Variants in INO80D observed in about 807,000 individuals in gnomAD.
INO80D encodes the protein INO80 complex subunit D.
INO80D carries 21 observed loss-of-function variants against 87.6 expected under a neutral mutation model. That is an observed-to-expected ratio of 0.24 (90% CI 0.17 to 0.35). The LOEUF (loss-of-function observed/expected upper bound fraction) is 0.35, where lower values mean the gene tolerates loss of function less well. Among genes scored for constraint, INO80D ranks in the 10% least tolerant of loss-of-function variants. INO80D has a pLI of 1.00. For missense variants in INO80D, 982 were observed against 1,280.7 expected (o/e 0.77, Z 3.56); for synonymous variants, 440 against 491.0 (o/e 0.90, Z 1.37).
intron 1 of INO80D, among the ~76,000 whole-genome samples, chr2:206,069,685 T>C (rs1689909863): frequency 6.6e-6 from 1 of 152,178 alleles, no homozygotes; most frequent in African/African-American, 2.4e-5. Context: ...TAACATTTCT[T>C]TACTCCACAC....
At chr2:206,067,291 C>T (rs1294163465) in intron 1 of INO80D, among the ~76,000 whole-genome samples, 1 of 149,810 alleles carries the variant, frequency 6.7e-6, no homozygotes, top group Non-Finnish European at 1.5e-5. Context: ...CTAGAGGCTA[C>T]AAGACAAAGA....
At chr2:206,039,606 T>A (rs1224841529) in intron 5 of INO80D, among the ~76,000 whole-genome samples, 4 of 150,458 alleles carry the variant, frequency 2.7e-5, no homozygotes, top group Admixed American at 2.0e-4. Flanking sequence ...AGGTTGGGAG[T>A]TCGAGACCAG....
At chr2:206,082,529 A>T (rs2105915542) in intron 1 of INO80D, among the ~76,000 whole-genome samples, 2 of 151,952 alleles carry the variant, frequency 1.3e-5, no homozygotes, top group Admixed American at 1.3e-4. Context: ...AAGTGAGGAG[A>T]CTCTATTGCT....
intron 4 of INO80D, among the ~76,000 whole-genome samples, chr2:206,053,578 C>G (rs548717556): frequency 2.2e-4 from 33 of 152,132 alleles, no homozygotes; most frequent in African/African-American, 7.5e-4. Context: ...GCCACCACTC[C>G]CAACTCCTAT....
chr2:205,998,343 C>T lies in INO80D; in HGVS notation c.*6025G>A, dbSNP rs987748605. On this transcript the variant is annotated 3_prime_UTR_variant, in exon 11 of 11. Transcript: ENST00000403263. ...TAAAGGTGTTCTACATTTTGAGGCC[C>T]CAGGATATCCTTTTATTTTATATAT... 6.6e-6 allele frequency: 1 copy of T among 151,316 alleles called. No homozygotes were observed. The highest frequency in any genetic ancestry group is 2.4e-5 in the African/African-American group (1 of 41,104). 9.4% of individuals were successfully genotyped at this position (151,316 alleles called of 1,614,324 possible). A position where few individuals can be genotyped will look rare whatever the true frequency, so the allele number is the denominator to read the frequency against.
chr2:206,050,848 A>G (rs1689341891), intron 4 of INO80D, among the ~76,000 whole-genome samples: 1 of 152,084 alleles, frequency 6.6e-6, no homozygotes, highest in South Asian at 2.1e-4. Flanking sequence ...GGGCGCCTGT[A>G]GTCCCAACTA....
At chr2:206,055,406 G>T (rs996527788) in intron 4 of INO80D, among the ~76,000 whole-genome samples, 5 of 152,170 alleles carry the variant, frequency 3.3e-5, no homozygotes, top group African/African-American at 7.2e-5. Flanking sequence ...AGTTTTCCCT[G>T]TATTTTCTCA....
In INO80D at chr2:206,005,140, C is replaced by T; in HGVS notation, c.2312G>A (p.Ser771Asn). 6.2e-7 allele frequency: 1 copy of T among 1,613,986 alleles called. No homozygotes were observed. Among genetic ancestry groups the T allele is most frequent in the Non-Finnish European group, 8.5e-7 (1 of 1,179,882 alleles). Residue 771 changes from serine (S) to asparagine (N), a missense_variant, in exon 11 of 11, where the codon AGC (serine) becomes AAC (asparagine). Transcript: ENST00000403263. The stretch of plus-strand genomic sequence containing the variant: ...GGCTCTCTCCCCAAGTGCACTCTGG[C>T]TGATCAGAGTGGCAGAAGTAAGGCC... The part of the protein sequence containing the change: ...NVGLTSATLI[S>N]QSALGERAFP...
intron 4 of INO80D, among the ~76,000 whole-genome samples, chr2:206,053,007 C>A (rs1689416910): frequency 6.6e-6 from 1 of 152,026 alleles, no homozygotes; most frequent in African/African-American, 2.4e-5. Flanking sequence ...AATAATACTA[C>A]TACCCAGGGC....
At position 206,005,168 on chromosome 2, in the gene INO80D, C is replaced by T. The variant is rs762704434; in HGVS notation, c.2284G>A (p.Val762Ile). The change falls in exon 11 of 11, where the codon GTT becomes ATT. Residue 762 changes from valine (V) to isoleucine (I), a missense_variant. By Grantham distance (29) the Val-to-Ile change is conservative. Coordinates refer to ENST00000403263, the MANE Select transcript of INO80D (RefSeq NM_017759.5). Reference sequence around the variant, plus strand: ...ATCAGAGTGGCAGAAGTAAGGCCAACGTTGGCTGGGGCAGAGAACTGCCCC... The same window carrying T: ...ATCAGAGTGGCAGAAGTAAGGCCAATGTTGGCTGGGGCAGAGAACTGCCCC... The part of the protein sequence containing the change: ...IQGQFSAPAN[V>I]GLTSATLISQ... 2.5e-6 allele frequency: 4 copies of T among 1,613,970 alleles called. No individual in the cohort carries two copies. Among genetic ancestry groups the T allele is most frequent in the East Asian group, 2.2e-5 (1 of 44,866 alleles).
chr2:206,079,876 T>G (rs1480519796), intron 1 of INO80D, among the ~76,000 whole-genome samples: 1 of 152,132 alleles, frequency 6.6e-6, no homozygotes, highest in Non-Finnish European at 1.5e-5. Flanking sequence ...AACCACAATT[T>G]GCAACACAGG....
chr2:206,064,286 T>C (rs896161044), intron 1 of INO80D, among the ~76,000 whole-genome samples: 1 of 152,198 alleles, frequency 6.6e-6, no homozygotes. Flanking sequence ...GTAGGATTTA[T>C]ATATTACAAC....
intron 1 of INO80D, among the ~76,000 whole-genome samples, chr2:206,080,213 C>G (rs1275636033): frequency 6.6e-6 from 1 of 152,140 alleles, no homozygotes; most frequent in Non-Finnish European, 1.5e-5. Context: ...CTGCTCCTAC[C>G]AATCAAGTCA....
At chr2:206,084,988 C>A (rs1438091372) in intron 1 of INO80D, among the ~76,000 whole-genome samples, 1 of 152,172 alleles carries the variant, frequency 6.6e-6, no homozygotes, top group East Asian at 1.9e-4. Context: ...GTTAGCAGCC[C>A]CGAATGGGCT....
chr2:206,082,649 T>G (rs1407393367), intron 1 of INO80D, among the ~76,000 whole-genome samples: 1 of 152,202 alleles, frequency 6.6e-6, no homozygotes, highest in African/African-American at 2.4e-5. Context: ...GTTTTACCAG[T>G]TACCAGGTGT....
intron 1 of INO80D, among the ~76,000 whole-genome samples, chr2:206,083,599 G>A (rs1690343366): frequency 2.0e-5 from 3 of 152,096 alleles, no homozygotes; most frequent in Admixed American, 2.0e-4. Flanking sequence ...TCATTGTGGA[G>A]AAACAGAGTT....
rs1575782452 is a variant in INO80D at position 205,998,675 on chromosome 2, G to C, written c.*5693C>G. 1 of 152,112 alleles carries C rather than the reference G, an allele frequency of 6.6e-6. No homozygotes were observed. The highest frequency in any genetic ancestry group is 2.4e-5 in the African/African-American group (1 of 41,414). The allele number at this position is 152,112 out of a possible 1,614,324, so 9.4% of individuals were successfully genotyped here. On this transcript the variant is annotated 3_prime_UTR_variant, in exon 11 of 11. Coordinates refer to ENST00000403263, the MANE Select transcript of INO80D (RefSeq NM_017759.5). The stretch of plus-strand genomic sequence containing the variant: ...AAAAGTTTTAAAGCTGTGCGTGATG[G>C]GAAAGGATTCTGTATTCTGAAGCTG...
At chr2:206,069,477 G>A (rs1689903855) in intron 1 of INO80D, among the ~76,000 whole-genome samples, 1 of 152,140 alleles carries the variant, frequency 6.6e-6, no homozygotes, top group African/African-American at 2.4e-5. Context: ...CAAGTGTGGT[G>A]GCTCATGCCT....
chr2:206,041,780 C>T (rs1689058474), intron 5 of INO80D, among the ~76,000 whole-genome samples: 1 of 152,020 alleles, frequency 6.6e-6, no homozygotes, highest in African/African-American at 2.4e-5. Context: ...TCTGGGAAAC[C>T]CCAAAATACT....
Sources: allele counts gnomAD v4.1 joint callset (sites outside exome capture counted in the v4.1 genomes callset), GRCh38; gene constraint gnomAD v4.1.1; transcripts MANE v1.5; gene names NCBI Gene and HGNC (gene_info 2026-07-23, HGNC 2026-07-21).